Variants in DYM observed in about 807,000 individuals in gnomAD.
The protein encoded by DYM is dymeclin, also known as dyggve-Melchior-Clausen syndrome protein.
In DYM, 78 loss-of-function variants were observed where a neutral mutation model predicts 93.1. The ratio of observed to expected loss-of-function variants is 0.84; its 90% CI spans 0.70 to 1.01. DYM has a LOEUF of 1.01. Among genes scored for constraint, DYM ranks in the 50% least tolerant of loss-of-function variants. DYM has a pLI of 0.00. For synonymous variants in DYM, 321 were observed against 319.7 expected (o/e 1.00, Z -0.04); for missense variants, 789 against 845.0 (o/e 0.93, Z 0.82).
chr18:49,241,799 G>A (rs997513390), intron 13 of DYM, among the ~76,000 whole-genome samples: 1 of 152,184 alleles, frequency 6.6e-6, no homozygotes, highest in Non-Finnish European at 1.5e-5. Context: ...ACAATCTAAA[G>A]TTTCATTATA....
intron 6 of DYM, among the ~76,000 whole-genome samples, chr18:49,355,226 T>C (rs987899026): frequency 1.1e-4 from 16 of 151,970 alleles, no homozygotes; most frequent in Non-Finnish European, 1.5e-5. Flanking sequence ...AACTTATAGA[T>C]ACATTGATAG....
rs185750546 is a variant in DYM at position 49,454,575 on chromosome 18, A to G, written c.-54+5823T>C. On this transcript the variant is annotated intron_variant, in intron 1 of 17. Transcript: ENST00000675505. ...ATGATCGAACCAATCTGTGAGCCCT[A>G]TGTAAATCAGACACTGCCTTCTCCA... Among the ~76,000 whole-genome samples, 14 of 152,178 alleles carry G rather than the reference A, an allele frequency of 9.2e-5. No individual in the cohort carries two copies. In the East Asian group the frequency reaches 2.3e-3, roughly 25 times the overall value.
chr18:49,370,450 A>AG (rs1160032115), intron 5 of DYM, among the ~76,000 whole-genome samples: 7 of 152,216 alleles, frequency 4.6e-5, no homozygotes, highest in Admixed American at 6.5e-5. Context: ...TCATTTAAAA[A>AG]ATAAATAAAC....
intron 2 of DYM, among the ~76,000 whole-genome samples, chr18:49,402,346 C>G (rs1325022885): frequency 6.6e-6 from 1 of 152,142 alleles, no homozygotes; most frequent in Non-Finnish European, 1.5e-5. Context: ...ACTCTTAGAG[C>G]AGCAGCAAGA....
intron 13 of DYM, among the ~76,000 whole-genome samples, chr18:49,213,109 T>A (rs1568024022): frequency 1.3e-5 from 2 of 152,226 alleles, no homozygotes. Context: ...GATATGGTTA[T>A]GCTTCACTAA....
At chr18:49,459,194 G>T (rs73447711) in intron 1 of DYM, among the ~76,000 whole-genome samples, 3,627 of 152,230 alleles carry the variant, frequency 0.024, 137 homozygotes, top group African/African-American at 0.081. Flanking sequence ...ACTTGCGACT[G>T]ATAGTTTCAT....
intron 5 of DYM, among the ~76,000 whole-genome samples, chr18:49,364,639 T>TA (rs2066342794): frequency 6.6e-6 from 1 of 152,110 alleles, no homozygotes; most frequent in African/African-American, 2.4e-5. Flanking sequence ...GATTAATATA[T>TA]ATCAGAAAAA....
chr18:49,290,674 G>C (rs148106898), intron 8 of DYM, among the ~76,000 whole-genome samples: 2 of 152,092 alleles, frequency 1.3e-5, no homozygotes, highest in East Asian at 3.9e-4. Context: ...GTATATATAT[G>C]CATGCTCCAT....
At chr18:49,254,897 C>A (rs2094360368) in intron 13 of DYM, among the ~76,000 whole-genome samples, 1 of 152,114 alleles carries the variant, frequency 6.6e-6, no homozygotes, top group Non-Finnish European at 1.5e-5. Flanking sequence ...AAGGTTAACT[C>A]CTGGAAACTA....
intron 4 of DYM, among the ~76,000 whole-genome samples, chr18:49,379,222 G>T (rs2067806003): frequency 6.6e-6 from 1 of 152,040 alleles, no homozygotes; most frequent in African/African-American, 2.4e-5. Context: ...TTCAGAGACT[G>T]ACATCCAAAC....
rs1258310170 is a variant in DYM at position 49,036,837 on chromosome 18, G to A, written c.*7218C>T. Among the ~76,000 whole-genome samples the A allele has an allele frequency of 2.6e-5, 4 of 152,054 alleles. No homozygotes were observed. The highest frequency in any genetic ancestry group is 5.9e-5 in the Non-Finnish European group (4 of 68,014). On this transcript the variant is annotated 3_prime_UTR_variant, in exon 18 of 18. Coordinates refer to ENST00000675505, the MANE Select transcript of DYM (RefSeq NM_001353214.3). ...CTTACCTGTTTTCCTTTCTGATATT[G>A]GCTATTCCTCTCTCCTGCCCTTTCT...
intron 5 of DYM, 81 bp from the exon 6 acceptor site, chr18:49,363,314 T>A (rs2066207112): frequency 1.1e-6 from 1 of 951,662 alleles, no homozygotes; most frequent in Non-Finnish European, 1.7e-6. Context: ...TTTTCATTCC[T>A]AATGAGAATA....
At chr18:49,391,354 A>G (rs1253359925) in intron 3 of DYM, 1 of 474,822 alleles carries the variant, frequency 2.1e-6, no homozygotes, top group Non-Finnish European at 3.9e-6. Flanking sequence ...ACAAGACGAA[A>G]GAGTGTCTAT....
At chr18:49,422,794 C>G (rs2073867100) in intron 2 of DYM, among the ~76,000 whole-genome samples, 1 of 152,080 alleles carries the variant, frequency 6.6e-6, no homozygotes, top group African/African-American at 2.4e-5. Context: ...TCAAAAGAGA[C>G]AAAGAAGGCC....
intron 10 of DYM, among the ~76,000 whole-genome samples, chr18:49,277,954 A>C (rs2094885509): frequency 6.6e-6 from 1 of 152,236 alleles, no homozygotes; most frequent in Non-Finnish European, 1.5e-5. Context: ...CCAGAGATTT[A>C]CTAATAATCA....
chr18:49,112,032 T>G (rs1277230879), intron 16 of DYM, among the ~76,000 whole-genome samples: 1 of 152,014 alleles, frequency 6.6e-6, no homozygotes, highest in East Asian at 1.9e-4. Flanking sequence ...AGAGAGTTTT[T>G]TTGTTTTATC....
intron 8 of DYM, among the ~76,000 whole-genome samples, chr18:49,314,730 T>C (rs1000439514): frequency 2.6e-5 from 4 of 152,166 alleles, no homozygotes; most frequent in Admixed American, 2.6e-4. Flanking sequence ...ACATCTCCAG[T>C]CCAATAAGCA....
At chr18:49,176,314 T>C (rs2089369980) in intron 14 of DYM, among the ~76,000 whole-genome samples, 1 of 152,136 alleles carries the variant, frequency 6.6e-6, no homozygotes, top group Non-Finnish European at 1.5e-5. Flanking sequence ...GAGACTGAAA[T>C]AAGAGAATCT....
At position 49,209,789 on chromosome 18, in the gene DYM, G is replaced by T. The variant is rs2092695300; in HGVS notation, c.1461-74C>A. On this transcript the variant is annotated intron_variant, in intron 13 of 17. Transcript: ENST00000675505. ...TTTGAAAAAATAAATCATTTTTTAT[G>T]TCCTCAAAGCTTTCTGTGTATCTTC... The T allele has an allele frequency of 4.8e-6, 5 of 1,033,658 alleles. No homozygotes were observed. In the South Asian group the frequency reaches 7.8e-5, roughly 16 times the overall value. The allele number at this position is 1,033,658 out of a possible 1,614,324, so 64.0% of individuals were successfully genotyped here. A position where few individuals can be genotyped will look rare whatever the true frequency, so the allele number is the denominator to read the frequency against.
Sources: gnomAD v4.1 joint callset for allele counts (sites outside exome capture counted in the v4.1 genomes callset) on GRCh38, gnomAD v4.1.1 for gene constraint, MANE v1.5 for transcripts, NCBI Gene and HGNC (gene_info 2026-07-23, HGNC 2026-07-21) for gene names.